PCDH15: variants seen among roughly 807,000 people sequenced by gnomAD.
PCDH15 encodes protocadherin-15.
Under a neutral mutation model 178.5 loss-of-function variants are expected in PCDH15, and 129 were observed. The ratio of observed to expected loss-of-function variants is 0.72; its 90% CI spans 0.63 to 0.84. The LOEUF is 0.84. Ranked by LOEUF, PCDH15 falls within the 40% of genes least tolerant of loss-of-function variation. The pLI is 0.00. For missense variants in PCDH15, 2,230 were observed against 2,099.9 expected (o/e 1.06, Z -1.21); for synonymous variants, 800 against 732.0 (o/e 1.09, Z -1.50).
At chr10:54,697,667 G>GA (rs58713016) in intron 1 of PCDH15, among the ~76,000 whole-genome samples, 6 of 79,300 alleles carry the variant, frequency 7.6e-5, no homozygotes, top group African/African-American at 2.0e-4. Flanking sequence ...GAAGGGGAAG[G>GA]GGGAAGGGGA....
intron 36 of PCDH15, among the ~76,000 whole-genome samples, chr10:53,811,192 C>A (rs766709908): frequency 6.6e-6 from 1 of 151,990 alleles, no homozygotes; most frequent in African/African-American, 2.4e-5. Flanking sequence ...TGCTCTTGGG[C>A]AAAACTTTAA....
At chr10:55,100,481 G>T in intron 2 of PCDH15, among the ~76,000 whole-genome samples, 1 of 152,198 alleles carries the variant, frequency 6.6e-6, no homozygotes, top group Middle Eastern at 3.4e-3. Flanking sequence ...GTAAAAAAGT[G>T]TATTAGTTTA....
chr10:54,703,434 A>C (rs1016777625), intron 1 of PCDH15, among the ~76,000 whole-genome samples: 3 of 152,130 alleles, frequency 2.0e-5, no homozygotes, highest in Non-Finnish European at 4.4e-5. Context: ...AGAGGAAGTC[A>C]AACTGTCTCT....
At chr10:54,721,079 G>C (rs1365056239) in intron 1 of PCDH15, among the ~76,000 whole-genome samples, 2 of 151,948 alleles carry the variant, frequency 1.3e-5, no homozygotes. Context: ...TTAATACCAA[G>C]AGTAATTCTC....
chr10:55,606,699 G>A, intron 2 of PCDH15, among the ~76,000 whole-genome samples: 1 of 147,030 alleles, frequency 6.8e-6, no homozygotes, highest in Admixed American at 6.8e-5. Flanking sequence ...GCCATATGTA[G>A]AAAGCTGAAA....
At chr10:54,899,153 A>G (rs938286440) in intron 2 of PCDH15, among the ~76,000 whole-genome samples, 2 of 152,168 alleles carry the variant, frequency 1.3e-5, no homozygotes, top group Non-Finnish European at 2.9e-5. Context: ...TGCTGGACGT[A>G]GAGTATTTAT....
At chr10:53,970,907 GA>G (rs1457288279) in intron 21 of PCDH15, among the ~76,000 whole-genome samples, 1 of 152,112 alleles carries the variant, frequency 6.6e-6, no homozygotes, top group Non-Finnish European at 1.5e-5. Context: ...CCAGTCAATA[GA>G]AAAAGAAGGA....
intron 20 of PCDH15, among the ~76,000 whole-genome samples, chr10:54,005,827 A>T (rs1037150437): frequency 7.2e-5 from 11 of 152,094 alleles, no homozygotes; most frequent in African/African-American, 2.7e-4. Context: ...AAAGAAAGGA[A>T]ATCAGTATAT....
intron 21 of PCDH15, among the ~76,000 whole-genome samples, chr10:53,977,732 CT>C (rs2134550015): frequency 6.6e-6 from 1 of 152,128 alleles, no homozygotes; most frequent in East Asian, 1.9e-4. Flanking sequence ...GTACCTTCTG[CT>C]TATGAGCCTG....
At chr10:54,403,866 AACAC>A (rs1385462789) in intron 3 of PCDH15, among the ~76,000 whole-genome samples, 4 of 144,934 alleles carry the variant, frequency 2.8e-5, no homozygotes, top group East Asian at 2.0e-4. Flanking sequence ...CACACACACA[AACAC>A]ACACACAAAC....
At chr10:55,472,714 G>A (rs1056025509) in intron 2 of PCDH15, among the ~76,000 whole-genome samples, 3 of 151,994 alleles carry the variant, frequency 2.0e-5, no homozygotes, top group Admixed American at 6.5e-5. Flanking sequence ...GACTACAGGC[G>A]CCCGCCACCA....
intron 37 of PCDH15, chr10:53,809,055 C>T (rs2075768634): frequency 1.2e-6 from 2 of 1,611,924 alleles, no homozygotes; most frequent in South Asian, 2.2e-5. Flanking sequence ...CAACCATGGG[C>T]CTTCTTCTTG....
At chr10:54,216,044 G>GAAAAAAAA (rs10648282) in intron 9 of PCDH15, among the ~76,000 whole-genome samples, 5 of 70,374 alleles carry the variant, frequency 7.1e-5, no homozygotes, top group Non-Finnish European at 9.8e-5. Flanking sequence ...CTCCGTCTCA[G>GAAAAAAAA]AAAAAAAAAA....
intron 2 of PCDH15, among the ~76,000 whole-genome samples, chr10:55,608,360 G>A (rs959003766): frequency 9.9e-5 from 15 of 151,124 alleles, no homozygotes; most frequent in Non-Finnish European, 7.4e-5. Flanking sequence ...GCAGGGAGAA[G>A]AGGCAAAAAA....
At chr10:55,092,197 GA>G (rs1331178616) in intron 2 of PCDH15, among the ~76,000 whole-genome samples, 1 of 151,782 alleles carries the variant, frequency 6.6e-6, no homozygotes, top group Non-Finnish European at 1.5e-5. Context: ...AATGGAGATG[GA>G]AAATATCAAA....
rs10564877 is a variant in PCDH15, at chr10:53,831,700, AAAG to A, written c.3984-170_3984-168del. Among the ~76,000 whole-genome samples the A allele has an allele frequency of 0.38, 57,816 of 151,630 alleles. 11,642 individuals are homozygous for A. Among genetic ancestry groups the A allele is most frequent in the East Asian group, 0.75 (3,829 of 5,130 alleles). On this transcript the variant is annotated intron_variant, in intron 29 of 37. Coordinates refer to ENST00000644397, the MANE Select transcript of PCDH15 (RefSeq NM_001384140.1). Reference sequence around the variant, plus strand: ...AGCATATATAAAAAGCATAAGCAATAAAGAAGAGGAGTAATTACACATCTGTAT... The same window carrying A: ...AGCATATATAAAAAGCATAAGCAATAAAGAGGAGTAATTACACATCTGTAT...
At chr10:54,273,315 A>G (rs886850456) in intron 8 of PCDH15, among the ~76,000 whole-genome samples, 4 of 152,082 alleles carry the variant, frequency 2.6e-5, no homozygotes, top group African/African-American at 9.6e-5. Flanking sequence ...AACACACAAA[A>G]TAAGTGTAAA....
intron 18 of PCDH15, among the ~76,000 whole-genome samples, chr10:54,045,087 G>T (rs2093629468): frequency 6.6e-6 from 1 of 152,068 alleles, no homozygotes; most frequent in Admixed American, 6.6e-5. Flanking sequence ...AGCTAAGGAT[G>T]AATTTGGGAA....
intron 21 of PCDH15, among the ~76,000 whole-genome samples, chr10:53,963,094 C>T (rs1333176546): frequency 6.6e-6 from 1 of 152,142 alleles, no homozygotes; most frequent in Non-Finnish European, 1.5e-5. Flanking sequence ...GTTGATTTGG[C>T]TGGACTTGAC....
Sources: gnomAD v4.1 joint callset for allele counts (sites outside exome capture counted in the v4.1 genomes callset) on GRCh38, gnomAD v4.1.1 for gene constraint, MANE v1.5 for transcripts, NCBI Gene and HGNC (gene_info 2026-07-23, HGNC 2026-07-21) for gene names.